IKZF3: variants seen among roughly 807,000 people sequenced by gnomAD.
The protein encoded by IKZF3 is IKAROS family zinc finger 3.
In IKZF3, 10 loss-of-function variants were observed where a neutral mutation model predicts 49.0. The ratio of observed to expected loss-of-function variants is 0.20; its 90% confidence interval spans 0.13 to 0.35. IKZF3 has a LOEUF of 0.35. IKZF3 is among the 10% of genes least tolerant of loss of function. The pLI is 1.00. For synonymous variants in IKZF3, 209 were observed against 228.2 expected, an observed-to-expected ratio of 0.92 and a Z score of 0.76; for missense variants, 498 against 664.8, an observed-to-expected ratio of 0.75 and a Z score of 2.76.
chr17:39,848,964 G>C (rs1598199114), intron 1 of IKZF3, among the ~76,000 whole-genome samples: 1 of 152,028 alleles, frequency 6.6e-6, no homozygotes, highest in African/African-American at 2.4e-5. Context: ...ATTACAGGTG[G>C]GAGCCAACGT....
chr17:39,836,171 G>C (rs959305689), intron 1 of IKZF3: 4 of 665,096 alleles, frequency 6.0e-6, no homozygotes, highest in African/African-American at 5.4e-5. Flanking sequence ...TCCAGCTTAA[G>C]GGGGCTCAGC....
chr17:39,791,475 A>T lies in IKZF3; in HGVS notation c.533T>A (p.Leu178His), dbSNP rs746279200. The T allele has an allele frequency of 4.3e-6, 7 of 1,613,982 alleles. No homozygotes were observed. Among genetic ancestry groups the T allele is most frequent in the Non-Finnish European group, 5.9e-6 (7 of 1,179,998 alleles). Residue 178 changes from leucine (L) to histidine (H), a missense_variant, in exon 5 of 8, where the codon CTC (leucine) becomes CAC (histidine). Coordinates refer to ENST00000346872, the MANE Select transcript of IKZF3 (RefSeq NM_012481.5). ...TCTTCTTTGGCATGCATAGTTGCAG[A>T]GGTGACACTTAAAAGGTTTTTCCCC... ...HTGEKPFKCH[L>H]CNYACQRRDA...
intron 4 of IKZF3, 38 bp from the exon 5 acceptor site, chr17:39,791,621 G>A (rs2061023936): frequency 1.0e-5 from 16 of 1,603,256 alleles, no homozygotes; most frequent in Non-Finnish European, 1.3e-5. Flanking sequence ...CTGGTCACAG[G>A]CAAGTGGAGA....
intron 3 of IKZF3, among the ~76,000 whole-genome samples, chr17:39,800,168 G>C (rs2061280614): frequency 6.6e-6 from 1 of 152,174 alleles, no homozygotes; most frequent in African/African-American, 2.4e-5. Flanking sequence ...ACCTTTTATA[G>C]TATGAATAAT....
chr17:39,809,308 A>C (rs1465368311), intron 3 of IKZF3, among the ~76,000 whole-genome samples: 1 of 152,212 alleles, frequency 6.6e-6, no homozygotes, highest in Non-Finnish European at 1.5e-5. Flanking sequence ...ATCCAAATGC[A>C]GTCAGTTAAA....
chr17:39,864,168 G>A lies in IKZF3; in HGVS notation c.-42C>T, dbSNP rs117278702. The A allele has an allele frequency of 0.036, 57,840 of 1,608,422 alleles. 1,860 individuals carry two copies. The highest frequency in any genetic ancestry group is 0.13 in the South Asian group (11,699 of 90,818). The stretch of plus-strand genomic sequence containing the variant: ...GCTGGAGCTGCCGCTGTGGCTACTC[G>A]GCCTCTCCACGTGCTCCTGCCGTCG... On this transcript the variant is annotated 5_prime_UTR_variant, in exon 1 of 8. Coordinates refer to ENST00000346872, the MANE Select transcript of IKZF3 (RefSeq NM_012481.5).
chr17:39,842,059 ACC>A (rs1491134595), intron 1 of IKZF3, among the ~76,000 whole-genome samples: 297 of 68,584 alleles, frequency 4.3e-3, no homozygotes, highest in Admixed American at 5.9e-3. Context: ...AAAAAAAAAA[ACC>A]AGATAAAATA....
chr17:39,809,948 G>A (rs2061512687), intron 3 of IKZF3, among the ~76,000 whole-genome samples: 1 of 152,178 alleles, frequency 6.6e-6, no homozygotes, highest in South Asian at 2.1e-4. Context: ...TATGAAAACA[G>A]CAAAGTCAAG....
At chr17:39,787,378 G>A (rs2060897901) in intron 6 of IKZF3, among the ~76,000 whole-genome samples, 2 of 152,186 alleles carry the variant, frequency 1.3e-5, no homozygotes, top group African/African-American at 2.4e-5. Context: ...AATAAAACAA[G>A]GAATCCCCAA....
At chr17:39,850,108 GTA>G (rs900974907) in intron 1 of IKZF3, among the ~76,000 whole-genome samples, 1 of 135,524 alleles carries the variant, frequency 7.4e-6, no homozygotes, top group African/African-American at 2.7e-5. Context: ...TATTATATAT[GTA>G]TATATACTAT....
At chr17:39,838,773 GA>G (rs1389627103) in intron 1 of IKZF3, among the ~76,000 whole-genome samples, 1 of 152,076 alleles carries the variant, frequency 6.6e-6, no homozygotes, top group Non-Finnish European at 1.5e-5. Context: ...TGGACCTTGT[GA>G]ATGATATATT....
chr17:39,806,264 A>G (rs1462930037), intron 3 of IKZF3, among the ~76,000 whole-genome samples: 1 of 152,244 alleles, frequency 6.6e-6, no homozygotes, highest in African/African-American at 2.4e-5. Flanking sequence ...TAATATGTTC[A>G]TGACCTTGAG....
intron 6 of IKZF3, among the ~76,000 whole-genome samples, chr17:39,785,642 T>C (rs929240415): frequency 2.6e-5 from 4 of 151,692 alleles, no homozygotes; most frequent in Admixed American, 6.6e-5. Context: ...GTTTTCTGAT[T>C]TTTCCCCCTC....
Position 39,764,539 on chromosome 17 carries a change from C to T in IKZF3, c.*1251G>A, listed in dbSNP as rs146233608. On this transcript the variant is annotated 3_prime_UTR_variant, in exon 8 of 8. Transcript: ENST00000346872. ...TAATTAGCCAGCATTTTGTGACCTCCTATTCCAGTGCTAATTTTACCATGA... is the reference window on the plus strand; with the variant it reads ...TAATTAGCCAGCATTTTGTGACCTCTTATTCCAGTGCTAATTTTACCATGA... The T allele has an allele frequency of 5.9e-5, 9 of 152,166 alleles. No individual in the cohort carries two copies. The highest frequency in any genetic ancestry group is 1.9e-4 in the African/African-American group (8 of 41,488). The allele number at this position is 152,166 out of a possible 1,614,324, so 9.4% of individuals were successfully genotyped here.
chr17:39,826,804 T>C (rs1174852132), intron 3 of IKZF3, among the ~76,000 whole-genome samples: 5 of 152,196 alleles, frequency 3.3e-5, no homozygotes, highest in African/African-American at 1.2e-4. Flanking sequence ...GAAGATGGGC[T>C]GAATTTGGAC....
At chr17:39,845,867 A>T (rs1302081376) in intron 1 of IKZF3, among the ~76,000 whole-genome samples, 1 of 152,218 alleles carries the variant, frequency 6.6e-6, no homozygotes, top group African/African-American at 2.4e-5. Flanking sequence ...CTGATTGAAA[A>T]ATTAATGCGA....
At chr17:39,767,691 G>A (rs1409835650) in intron 7 of IKZF3, among the ~76,000 whole-genome samples, 2 of 152,210 alleles carry the variant, frequency 1.3e-5, no homozygotes, top group African/African-American at 2.4e-5. Context: ...GGAAGAACCA[G>A]TTCCTGTTCT....
chr17:39,807,544 A>T (rs7214556), intron 3 of IKZF3, among the ~76,000 whole-genome samples: 28 of 80,788 alleles, frequency 3.5e-4, no homozygotes, highest in Admixed American at 2.1e-3. Flanking sequence ...GACTATTTAA[A>T]TTTTTTTTTT....
At chr17:39,785,585 C>A (rs1447414991) in intron 6 of IKZF3, among the ~76,000 whole-genome samples, 1 of 152,016 alleles carries the variant, frequency 6.6e-6, no homozygotes, top group Non-Finnish European at 1.5e-5. Context: ...AAGGTGGTGA[C>A]CTTACTTCAA....
Sources: allele counts gnomAD v4.1 joint callset (sites outside exome capture counted in the v4.1 genomes callset), GRCh38; gene constraint gnomAD v4.1.1; transcripts MANE v1.5; gene names NCBI Gene and HGNC (gene_info 2026-07-23, HGNC 2026-07-21).